PCNX1: variants seen among roughly 807,000 people sequenced by gnomAD.
PCNX1 encodes pecanex 1.
Under a neutral mutation model 242.2 loss-of-function variants are expected in PCNX1, and 78 were observed. The ratio of observed to expected loss-of-function variants is 0.32; its 90% CI spans 0.27 to 0.39. The LOEUF (loss-of-function observed/expected upper bound fraction) is 0.39, where lower values mean the gene tolerates loss of function less well. PCNX1 is among the 10% of genes least tolerant of loss of function. PCNX1 has a pLI of 1.00. For missense variants in PCNX1, 2,581 were observed against 2,856.5 expected, an observed-to-expected ratio of 0.90 and a Z score of 2.20; for synonymous variants, 1,024 against 1,032.9, an observed-to-expected ratio of 0.99 and a Z score of 0.17.
chr14:71,107,241 A>G (rs746763197), intron 33 of PCNX1, among the ~76,000 whole-genome samples: 5 of 152,138 alleles, frequency 3.3e-5, no homozygotes, highest in Non-Finnish European at 5.9e-5. Flanking sequence ...AAAGACATTT[A>G]TTAAATTTAA....
chr14:71,010,539 A>G (rs911082915), intron 9 of PCNX1, among the ~76,000 whole-genome samples: 1 of 152,108 alleles, frequency 6.6e-6, no homozygotes, highest in Non-Finnish European at 1.5e-5. Context: ...TTTGTAAGAT[A>G]ATGAAGTCAG....
chr14:71,060,095 C>T lies in PCNX1; in HGVS notation c.4852+2371C>T, dbSNP rs75076915. On this transcript the variant is annotated intron_variant, in intron 26 of 35. Transcript: ENST00000304743. ...ATGTTTTTATCGTTAGATTCTTACACAGTCATGGACTGCAGCAATGGACTG... is the reference window on the plus strand; with the variant it reads ...ATGTTTTTATCGTTAGATTCTTACATAGTCATGGACTGCAGCAATGGACTG... Among the ~76,000 whole-genome samples, 1,266 of 152,326 alleles carry T rather than the reference C, an allele frequency of 8.3e-3. 10 individuals are homozygous for T. The highest frequency in any genetic ancestry group is 0.029 in the African/African-American group (1,192 of 41,564).
At chr14:71,021,496 A>G (rs1349344602) in intron 12 of PCNX1, among the ~76,000 whole-genome samples, 1 of 152,056 alleles carries the variant, frequency 6.6e-6, no homozygotes, top group Non-Finnish European at 1.5e-5. Flanking sequence ...AACCATTGAC[A>G]TAGTTCTGTT....
intron 26 of PCNX1, among the ~76,000 whole-genome samples, chr14:71,064,006 A>C (rs543554627): frequency 6.6e-6 from 1 of 152,128 alleles, no homozygotes; most frequent in African/African-American, 2.4e-5. Context: ...TTAGAAGTCA[A>C]ACTTTACACA....
intron 26 of PCNX1, among the ~76,000 whole-genome samples, chr14:71,068,900 A>G (rs770673260): frequency 1.3e-5 from 2 of 152,052 alleles, no homozygotes; most frequent in Non-Finnish European, 2.9e-5. Flanking sequence ...TTGCAAAGTA[A>G]GCAGAAACTA....
chr14:70,949,616 A>AAGACT (rs1378978568), intron 2 of PCNX1, among the ~76,000 whole-genome samples: 1 of 152,112 alleles, frequency 6.6e-6, no homozygotes. Context: ...AGATCTTTGC[A>AAGACT]AGACTGACTT....
intron 25 of PCNX1, among the ~76,000 whole-genome samples, chr14:71,057,134 G>A (rs1249739084): frequency 6.6e-6 from 1 of 152,018 alleles, no homozygotes; most frequent in South Asian, 2.1e-4. Flanking sequence ...TTACTAAATA[G>A]TCTTTTGTTC....
Position 71,110,749 on chromosome 14 carries a change from A to G in PCNX1, c.*814A>G, listed in dbSNP as rs2062739062. On this transcript the variant is annotated 3_prime_UTR_variant, in exon 36 of 36. Coordinates refer to ENST00000304743, the MANE Select transcript of PCNX1 (RefSeq NM_014982.3). ...TCATCATTGACATTTCCCAGAGCCAATAGTCAGCGGATCGGTCTTGTGAAC... is the reference window on the plus strand; with the variant it reads ...TCATCATTGACATTTCCCAGAGCCAGTAGTCAGCGGATCGGTCTTGTGAAC... The G allele has an allele frequency of 3.3e-5, 5 of 152,806 alleles. No individual in the cohort carries two copies. The highest frequency in any genetic ancestry group is 3.4e-3 in the Middle Eastern group (1 of 296). The allele number at this position is 152,806 out of a possible 1,614,324, so 9.5% of individuals were successfully genotyped here. A position where few individuals can be genotyped will look rare whatever the true frequency, so the allele number is the denominator to read the frequency against.
At chr14:70,927,170 C>T (rs1484752253) in intron 1 of PCNX1, among the ~76,000 whole-genome samples, 1 of 152,140 alleles carries the variant, frequency 6.6e-6, no homozygotes, top group Non-Finnish European at 1.5e-5. Flanking sequence ...GAGAAAGGAT[C>T]ATGTTTATTT....
Position 70,971,334 on chromosome 14 carries a change from C to T in PCNX1, c.604+2224C>T, listed in dbSNP as rs1212782099. On this transcript the variant is annotated intron_variant, in intron 5 of 35. Transcript: ENST00000304743. ...TAATTTTTTGTATTTTTAGTAGAGA[C>T]GGGGTTTCACCTTGTTAGCCAGGAT... Among the ~76,000 whole-genome samples the T allele has an allele frequency of 1.9e-4, 5 of 26,124 alleles. 2 individuals carry two copies. Among genetic ancestry groups the T allele is most frequent in the Non-Finnish European group, 4.3e-4 (5 of 11,524 alleles). The allele number at this position is 26,124 out of a possible 152,430, so 17.1% of individuals were successfully genotyped here. A position where few individuals can be genotyped will look rare whatever the true frequency, so the allele number is the denominator to read the frequency against.
intron 15 of PCNX1, 180 bp downstream of exon 15, chr14:71,027,062 A>G (rs2060261239): frequency 2.1e-6 from 1 of 470,960 alleles, no homozygotes; most frequent in South Asian, 3.4e-5. Context: ...AAAAATAGTC[A>G]AGTCTGCTAC....
intron 5 of PCNX1, 73 bp downstream of exon 5, chr14:70,969,183 A>T (rs368163001): frequency 1.1e-5 from 9 of 842,760 alleles, no homozygotes; most frequent in Non-Finnish European, 1.6e-5. Flanking sequence ...TATGCTGCAT[A>T]CAATTTGGCA....
chr14:70,955,051 C>T (rs1170315434), intron 2 of PCNX1, among the ~76,000 whole-genome samples: 1 of 152,164 alleles, frequency 6.6e-6, no homozygotes, highest in Non-Finnish European at 1.5e-5. Flanking sequence ...AGCAGAACTA[C>T]TTGAGCTTTA....
chr14:71,058,010 G>T (rs957257705), intron 26 of PCNX1, among the ~76,000 whole-genome samples: 11 of 152,170 alleles, frequency 7.2e-5, no homozygotes, highest in African/African-American at 2.4e-4. Flanking sequence ...TTGGTCTCTT[G>T]CTGGTCCCTT....
At chr14:70,980,271 T>C (rs1201413640) in intron 6 of PCNX1, among the ~76,000 whole-genome samples, 1 of 152,048 alleles carries the variant, frequency 6.6e-6, no homozygotes, top group Non-Finnish European at 1.5e-5. Flanking sequence ...AAAAGTTACC[T>C]GAAAGGTGTT....
rs1405381555 is a variant in PCNX1 at position 71,114,778 on chromosome 14, A to T, written c.*4843A>T. 6.6e-6 allele frequency: 1 copy of T among 152,568 alleles called. No individual in the cohort carries two copies. Among genetic ancestry groups the T allele is most frequent in the African/African-American group, 2.4e-5 (1 of 41,422 alleles). The allele number at this position is 152,568 out of a possible 1,614,324, so 9.5% of individuals were successfully genotyped here. The stretch of plus-strand genomic sequence containing the variant: ...TCATCTAACACTGTGATGGGGATGA[A>T]TTCCTGAGTTTTACCTGCACAATGA... On this transcript the variant is annotated 3_prime_UTR_variant, in exon 36 of 36. Coordinates refer to ENST00000304743, the MANE Select transcript of PCNX1 (RefSeq NM_014982.3).
intron 7 of PCNX1, among the ~76,000 whole-genome samples, chr14:70,994,421 A>ATG (rs2059278106): frequency 8.7e-6 from 1 of 114,852 alleles, no homozygotes; most frequent in African/African-American, 3.3e-5. Flanking sequence ...ATATATATAT[A>ATG]TATATATATG....
chr14:70,982,758 A>G (rs1487069718), intron 6 of PCNX1, among the ~76,000 whole-genome samples: 1 of 152,238 alleles, frequency 6.6e-6, no homozygotes, highest in African/African-American at 2.4e-5. Context: ...TTCAAGTAGG[A>G]ACAAACATTA....
At chr14:71,004,133 G>A (rs2059588008) in intron 8 of PCNX1, among the ~76,000 whole-genome samples, 1 of 152,214 alleles carries the variant, frequency 6.6e-6, no homozygotes, top group African/African-American at 2.4e-5. Context: ...ATTGTCTTAT[G>A]CCTGCTTTCA....
Sources: gnomAD v4.1 joint callset for allele counts (sites outside exome capture counted in the v4.1 genomes callset) on GRCh38, gnomAD v4.1.1 for gene constraint, MANE v1.5 for transcripts, NCBI Gene and HGNC (gene_info 2026-07-23, HGNC 2026-07-21) for gene names.